DMRT1: variants seen among roughly 807,000 people sequenced by gnomAD.
DMRT1 encodes doublesex- and mab-3-related transcription factor 1.
DMRT1 carries 7 observed loss-of-function variants against 32.3 expected under a neutral mutation model. The observed-to-expected ratio is 0.22, with a 90% confidence interval of 0.12 to 0.41. The LOEUF (loss-of-function observed/expected upper bound fraction) is 0.41, where lower values mean the gene tolerates loss of function less well. Ranked by LOEUF, DMRT1 falls within the 10% of genes least tolerant of loss-of-function variation. The pLI, the probability that DMRT1 is intolerant of heterozygous loss-of-function variation, is 1.00. For synonymous variants in DMRT1, 278 were observed against 206.1 expected (o/e 1.35, Z -2.99); for missense variants, 625 against 500.5 (o/e 1.25, Z -2.37).
chr9:911,827 A>T (rs78134433), intron 3 of DMRT1, among the ~76,000 whole-genome samples: 1 of 152,134 alleles, frequency 6.6e-6, no homozygotes, highest in African/African-American at 2.4e-5. Context: ...TTATATTGCT[A>T]CACATGCACT....
chr9:943,338 A>C (rs1010554401), intron 4 of DMRT1, among the ~76,000 whole-genome samples: 28 of 152,212 alleles, frequency 1.8e-4, no homozygotes, highest in Non-Finnish European at 7.3e-5. Context: ...CTTGAAAAAC[A>C]GTAACAGGAG....
intron 4 of DMRT1, among the ~76,000 whole-genome samples, chr9:933,684 C>T (rs1818797327): frequency 1.3e-5 from 2 of 152,172 alleles, no homozygotes; most frequent in Non-Finnish European, 1.5e-5. Flanking sequence ...AAATGCAATT[C>T]CTCTGTCACA....
At chr9:883,282 G>A (rs1219482488) in intron 2 of DMRT1, among the ~76,000 whole-genome samples, 1 of 151,646 alleles carries the variant, frequency 6.6e-6, no homozygotes, top group East Asian at 1.9e-4. Flanking sequence ...AAAAAGATAA[G>A]ACAAAAATCT....
intron 2 of DMRT1, among the ~76,000 whole-genome samples, chr9:847,431 C>T (rs556470478): frequency 6.6e-6 from 1 of 152,286 alleles, no homozygotes; most frequent in African/African-American, 2.4e-5. Flanking sequence ...CATCTCAGTC[C>T]ACCCCTTCAT....
At chr9:879,082 A>T (rs1589491480) in intron 2 of DMRT1, among the ~76,000 whole-genome samples, 1 of 152,282 alleles carries the variant, frequency 6.6e-6, no homozygotes, top group South Asian at 2.1e-4. Flanking sequence ...GTCTACTAAT[A>T]ACACAACCCT....
At chr9:917,673 C>T (rs1161047615) in intron 4 of DMRT1, among the ~76,000 whole-genome samples, 1 of 152,218 alleles carries the variant, frequency 6.6e-6, no homozygotes, top group Non-Finnish European at 1.5e-5. Context: ...AGAATTTACT[C>T]TGTGCTAAAT....
Position 965,444 on chromosome 9 carries a change from G to A in DMRT1, c.968-2541G>A, listed in dbSNP as rs1303218561. The stretch of plus-strand genomic sequence containing the variant: ...AGTCCATGCAGGTAATATTCTGCAT[G>A]CTTTGTGGCCCCACGTCGCAAGAGC... On this transcript the variant is annotated intron_variant, in intron 4 of 4. Transcript: ENST00000382276. The surrounding 1 kb of genome is among the most constrained non-coding windows in gnomAD (Gnocchi z 4.5). Among the ~76,000 whole-genome samples the A allele has an allele frequency of 2.0e-5, 3 of 152,236 alleles. No homozygotes were observed. The highest frequency in any genetic ancestry group is 4.4e-5 in the Non-Finnish European group (3 of 68,036).
intron 1 of DMRT1, among the ~76,000 whole-genome samples, chr9:844,532 G>C (rs1450533387): frequency 6.8e-6 from 1 of 146,896 alleles, no homozygotes; most frequent in East Asian, 1.9e-4. Flanking sequence ...GTTAGTAATA[G>C]GAAATCCAAG....
At chr9:879,112 G>C (rs1332208840) in intron 2 of DMRT1, among the ~76,000 whole-genome samples, 1 of 152,106 alleles carries the variant, frequency 6.6e-6, no homozygotes, top group Non-Finnish European at 1.5e-5. Context: ...CTCAGAATAA[G>C]ATGCCAGGCT....
chr9:879,140 G>T (rs1816629783), intron 2 of DMRT1, among the ~76,000 whole-genome samples: 1 of 152,054 alleles, frequency 6.6e-6, no homozygotes, highest in South Asian at 2.1e-4. Context: ...TCTCAAATCA[G>T]TCCCCCTAAA....
At chr9:935,644 G>T (rs1314070482) in intron 4 of DMRT1, among the ~76,000 whole-genome samples, 1 of 152,236 alleles carries the variant, frequency 6.6e-6, no homozygotes, top group African/African-American at 2.4e-5. Context: ...GCTGCAAAGA[G>T]AGCCCGTATG....
chr9:907,822 A>G (rs1817831053), intron 3 of DMRT1, among the ~76,000 whole-genome samples: 1 of 82,554 alleles, frequency 1.2e-5, no homozygotes, highest in Non-Finnish European at 2.5e-5. Context: ...AGTTCTCTAA[A>G]ATATATATGT....
rs185714915 is a variant in DMRT1 at position 872,879 on chromosome 9, A to G, written c.539-21033A>G. ...TTCAAAAGCGGGTGCACCGTTTTACATTTCCAGCAGTGTGACATACATTTA... is the reference window on the plus strand; with the variant it reads ...TTCAAAAGCGGGTGCACCGTTTTACGTTTCCAGCAGTGTGACATACATTTA... On this transcript the variant is annotated intron_variant, in intron 2 of 4. Transcript: ENST00000382276. Among the ~76,000 whole-genome samples, 18 of 152,290 alleles carry G rather than the reference A, an allele frequency of 1.2e-4. No individual in the cohort carries two copies. The East Asian group carries it at 3.3e-3, about 28-fold the overall frequency.
intron 2 of DMRT1, among the ~76,000 whole-genome samples, chr9:889,352 G>C (rs1190021679): frequency 1.3e-5 from 2 of 152,220 alleles, no homozygotes; most frequent in South Asian, 2.1e-4. Context: ...CGTAAAGGCA[G>C]ACATCTGCTC....
At chr9:873,967 T>C (rs553859885) in intron 2 of DMRT1, among the ~76,000 whole-genome samples, 19 of 152,210 alleles carry the variant, frequency 1.2e-4, no homozygotes, top group Non-Finnish European at 2.2e-4. Flanking sequence ...AAGTGGAAAG[T>C]ACCTAAAAGC....
intron 4 of DMRT1, among the ~76,000 whole-genome samples, chr9:964,087 A>G (rs1819858268): frequency 6.6e-6 from 1 of 152,228 alleles, no homozygotes; most frequent in Non-Finnish European, 1.5e-5. Context: ...GTTTTCTCAC[A>G]TCACTGGAAG....
intron 2 of DMRT1, among the ~76,000 whole-genome samples, chr9:866,586 ACC>A (rs1201198128): frequency 6.6e-6 from 1 of 152,176 alleles, no homozygotes; most frequent in Non-Finnish European, 1.5e-5. Flanking sequence ...TTAGGGGCAA[ACC>A]AGAAAGCAAC....
intron 3 of DMRT1, among the ~76,000 whole-genome samples, chr9:912,083 T>C (rs1818010431): frequency 6.6e-6 from 1 of 152,172 alleles, no homozygotes; most frequent in East Asian, 1.9e-4. Context: ...TGCAGTCATG[T>C]CAGAAGGCGA....
intron 2 of DMRT1, among the ~76,000 whole-genome samples, chr9:869,333 A>T (rs1364880771): frequency 6.6e-6 from 1 of 152,192 alleles, no homozygotes; most frequent in Non-Finnish European, 1.5e-5. Flanking sequence ...TGGCATGTTC[A>T]TCTACACTTG....
Sources: allele counts gnomAD v4.1 joint callset (sites outside exome capture counted in the v4.1 genomes callset), GRCh38; gene constraint gnomAD v4.1.1; non-coding constraint Gnocchi (gnomAD v3.1); transcripts MANE v1.5; gene names NCBI Gene and HGNC (gene_info 2026-07-23, HGNC 2026-07-21).